The following RPA3 variants were observed in gnomAD, a reference collection of about 807,000 sequenced individuals.
RPA3 encodes the protein replication protein A 14 kDa subunit.
RPA3 carries 24 observed loss-of-function variants against 13.7 expected under a neutral mutation model. That is an observed-to-expected ratio of 1.75 (90% confidence interval 1.27 to 2.46). RPA3 has a LOEUF of 2.46. Ranked by LOEUF, RPA3 falls within the 30% of genes most tolerant of loss-of-function variation. RPA3 has a pLI of 0.00. For missense variants in RPA3, 183 were observed against 151.0 expected (o/e 1.21, Z -1.11); for synonymous variants, 59 against 51.2 (o/e 1.15, Z -0.65).
At chr7:7,660,891 A>C (rs1206659068) in intron 4 of RPA3, among the ~76,000 whole-genome samples, 1 of 152,154 alleles carries the variant, frequency 6.6e-6, no homozygotes, top group Non-Finnish European at 1.5e-5. Context: ...TATCCTGAAG[A>C]GTGTTTTCCA....
intron 4 of RPA3, among the ~76,000 whole-genome samples, chr7:7,659,786 G>T (rs1410627598): frequency 1.3e-5 from 2 of 152,178 alleles, no homozygotes; most frequent in Non-Finnish European, 2.9e-5. Context: ...TGTTAATTTG[G>T]GGTGGAGTGT....
chr7:7,652,277 G>A (rs1785240406), intron 4 of RPA3, among the ~76,000 whole-genome samples: 1 of 152,124 alleles, frequency 6.6e-6, no homozygotes, highest in Non-Finnish European at 1.5e-5. Context: ...ACTCTTGGTC[G>A]ATTGTACTTC....
At chr7:7,718,339 A>G (rs574276268) in intron 1 of RPA3, among the ~76,000 whole-genome samples, 176 bp downstream of exon 1, 1 of 152,298 alleles carries the variant, frequency 6.6e-6, no homozygotes, top group East Asian at 1.9e-4. Flanking sequence ...ATGCATAGTG[A>G]GGGCATGGGT....
chr7:7,677,091 GT>G (rs920651253), intron 4 of RPA3, among the ~76,000 whole-genome samples: 1 of 151,852 alleles, frequency 6.6e-6, no homozygotes, highest in Non-Finnish European at 1.5e-5. Context: ...CATCTGTTTT[GT>G]TTTAAATTTT....
At chr7:7,643,561 A>C (rs1785023822) in intron 4 of RPA3, among the ~76,000 whole-genome samples, 1 of 152,102 alleles carries the variant, frequency 6.6e-6, no homozygotes, top group African/African-American at 2.4e-5. Context: ...ATATACAAAA[A>C]AGTATCCAGG....
intron 4 of RPA3, among the ~76,000 whole-genome samples, chr7:7,672,888 G>A (rs28547442): frequency 0.016 from 2,396 of 152,236 alleles, 65 homozygotes; most frequent in African/African-American, 0.053. Flanking sequence ...TTCTCCAGTG[G>A]CCTTAGTCTT....
chr7:7,717,056 T>TTTTC (rs1314081478), intron 1 of RPA3, among the ~76,000 whole-genome samples: 2,449 of 149,774 alleles, frequency 0.016, 72 homozygotes, highest in African/African-American at 0.058. Context: ...TTCTTTCTTT[T>TTTTC]TTTCTTTTTT....
At chr7:7,649,465 T>C (rs558980876) in intron 4 of RPA3, among the ~76,000 whole-genome samples, 1 of 152,342 alleles carries the variant, frequency 6.6e-6, no homozygotes, top group South Asian at 2.1e-4. Context: ...CTCAACACTG[T>C]TGCATTGGCA....
chr7:7,662,215 T>C (rs1185805151), intron 4 of RPA3, among the ~76,000 whole-genome samples: 1 of 152,166 alleles, frequency 6.6e-6, no homozygotes, highest in Non-Finnish European at 1.5e-5. Context: ...GCAGCGATAA[T>C]TTCAAGCCAG....
rs770679624 is a variant in RPA3, at chr7:7,673,367, C to CAGCAGCAGCAGT, written c.-758+12462_-758+12463insACTGCTGCTGCT. 5 of 1,105,546 alleles carry CAGCAGCAGCAGT rather than the reference C, an allele frequency of 4.5e-6. No homozygotes were observed. In the South Asian group the frequency reaches 6.8e-5, roughly 15 times the overall value. The allele number at this position is 1,105,546 out of a possible 1,614,324, so 68.5% of individuals were successfully genotyped here. On this transcript the variant is annotated intron_variant, in intron 4 of 7. Transcript: ENST00000223129. ...GCAGCAGCAGCAGCAGCAGCAGCAG[C>CAGCAGCAGCAGT]AGCAATGTTTCACTTCTTCAGAAAG...
chr7:7,690,686 T>G (rs545847336), intron 2 of RPA3, among the ~76,000 whole-genome samples: 1 of 152,106 alleles, frequency 6.6e-6, no homozygotes, highest in African/African-American at 2.4e-5. Context: ...CTAAATTCTT[T>G]TGTTTTTGCT....
At chr7:7,686,847 A>T (rs1583736287) in intron 3 of RPA3, among the ~76,000 whole-genome samples, 1 of 152,164 alleles carries the variant, frequency 6.6e-6, no homozygotes, top group African/African-American at 2.4e-5. Flanking sequence ...GATTCTAGGA[A>T]ATCTTTTAAA....
intron 4 of RPA3, among the ~76,000 whole-genome samples, chr7:7,643,722 AAAACAAACAAAC>A (rs1563077021): frequency 9.1e-4 from 5 of 5,496 alleles, no homozygotes; most frequent in Admixed American, 1.8e-3. Context: ...AAAAAAAAAA[AAAACAAACAAAC>A]GAAAAAAAAA....
chr7:7,660,871 T>C (rs1785458014), intron 4 of RPA3, among the ~76,000 whole-genome samples: 1 of 152,250 alleles, frequency 6.6e-6, no homozygotes, highest in African/African-American at 2.4e-5. Flanking sequence ...GGAGAAGTTC[T>C]CCTGGATAAT....
chr7:7,689,712 C>G (rs552438865), intron 2 of RPA3, among the ~76,000 whole-genome samples: 1 of 152,138 alleles, frequency 6.6e-6, no homozygotes, highest in South Asian at 2.1e-4. Flanking sequence ...TTTCTAAACT[C>G]AAAACAATTG....
intron 4 of RPA3, among the ~76,000 whole-genome samples, chr7:7,682,529 A>G (rs28915978): frequency 2.7e-4 from 41 of 152,328 alleles, no homozygotes; most frequent in African/African-American, 5.8e-4. Flanking sequence ...AAAAATTTAC[A>G]TTCTAAGGAA....
intron 2 of RPA3, among the ~76,000 whole-genome samples, chr7:7,707,360 G>A (rs1443747044): frequency 6.6e-6 from 1 of 151,978 alleles, no homozygotes; most frequent in Non-Finnish European, 1.5e-5. Context: ...GGTACTTTTT[G>A]CTTGCCTTGA....
At chr7:7,658,536 A>G (rs991469599) in intron 4 of RPA3, among the ~76,000 whole-genome samples, 5 of 152,138 alleles carry the variant, frequency 3.3e-5, no homozygotes, top group Admixed American at 6.5e-5. Context: ...GTTGAATTTT[A>G]TCGAAGGCCT....
chr7:7,661,248 C>T (rs866348501), intron 4 of RPA3, among the ~76,000 whole-genome samples: 2 of 152,140 alleles, frequency 1.3e-5, no homozygotes, highest in Non-Finnish European at 2.9e-5. Context: ...AGCTTCCTTG[C>T]GTTGGGTTAG....
Sources: allele counts gnomAD v4.1 joint callset (sites outside exome capture counted in the v4.1 genomes callset), GRCh38; gene constraint gnomAD v4.1.1; transcripts MANE v1.5; gene names NCBI Gene and HGNC (gene_info 2026-07-23, HGNC 2026-07-21).